Variants in ST3GAL2 observed in about 807,000 individuals in gnomAD.
The protein encoded by ST3GAL2 is ST3 beta-galactoside alpha-2,3-sialyltransferase 2.
Under a neutral mutation model 37.5 loss-of-function variants are expected in ST3GAL2, and 16 were observed. The observed-to-expected ratio is 0.43, with a 90% confidence interval of 0.29 to 0.65. ST3GAL2 has a LOEUF of 0.65. ST3GAL2 is among the 30% of genes least tolerant of loss of function. The pLI, the probability that ST3GAL2 is intolerant of heterozygous loss-of-function variation, is 0.17. For missense variants in ST3GAL2, 383 were observed against 487.8 expected, an observed-to-expected ratio of 0.79 and a Z score of 2.02; for synonymous variants, 238 against 202.9, an observed-to-expected ratio of 1.17 and a Z score of -1.47.
At chr16:70,423,906 A>G (rs183852578) in intron 1 of ST3GAL2, among the ~76,000 whole-genome samples, 291 of 151,612 alleles carry the variant, frequency 1.9e-3, no homozygotes, top group Non-Finnish European at 3.2e-3. Flanking sequence ...AAAGTACAAA[A>G]AATTAGCCGG....
chr16:70,397,612 GC>G (rs2047525729), intron 2 of ST3GAL2, among the ~76,000 whole-genome samples: 1 of 151,938 alleles, frequency 6.6e-6, no homozygotes, highest in Admixed American at 6.6e-5. Flanking sequence ...TATAATTCCA[GC>G]TACTTGGGAG....
intron 1 of ST3GAL2, among the ~76,000 whole-genome samples, chr16:70,409,105 C>T (rs2047617538): frequency 6.6e-6 from 1 of 151,698 alleles, no homozygotes; most frequent in Non-Finnish European, 1.5e-5. Flanking sequence ...CAGTATCTTG[C>T]TGTACCTATC....
intron 1 of ST3GAL2, among the ~76,000 whole-genome samples, chr16:70,427,397 G>A (rs2047758943): frequency 6.7e-6 from 1 of 149,384 alleles, no homozygotes; most frequent in Admixed American, 6.7e-5. Flanking sequence ...GGAGTGCAGT[G>A]GTGCGATCTC....
intron 1 of ST3GAL2, among the ~76,000 whole-genome samples, chr16:70,402,283 CAA>C (rs1042560583): frequency 9.8e-5 from 4 of 40,714 alleles, no homozygotes; most frequent in Admixed American, 2.6e-4. Flanking sequence ...AACTATTTCT[CAA>C]AAAAAAAAAA....
At position 70,435,277 on chromosome 16, in the gene ST3GAL2, G is replaced by C. The variant is rs527418135; in HGVS notation, c.-1004+3672C>G. On this transcript the variant is annotated intron_variant, in intron 1 of 6. Coordinates refer to ENST00000342907, the MANE Select transcript of ST3GAL2 (RefSeq NM_006927.4). ...CAGAACAGCCTGGTGGGGAAGTAAG[G>C]TGGAAGAAAGTCCCTCTTAAGACTT... 2.0e-4 allele frequency among the ~76,000 whole-genome samples: 30 copies of C among 152,268 alleles called. 1 individual carries two copies. Among genetic ancestry groups the C allele is most frequent in the South Asian group, 8.3e-4 (4 of 4,824 alleles).
intron 1 of ST3GAL2, among the ~76,000 whole-genome samples, chr16:70,416,723 A>G (rs2047679050): frequency 6.6e-6 from 1 of 152,122 alleles, no homozygotes; most frequent in African/African-American, 2.4e-5. Flanking sequence ...AGCTTTCTCT[A>G]ACTTCTCTTG....
In ST3GAL2 at chr16:70,397,110, G is replaced by A. The variant is rs1228781330; in HGVS notation, c.339+1082C>T. ...AGCTGGAGTGCAATGGTGCAATCTCGGCTCACTGCAACCTCCGCCTCCCAG... is the reference window on the plus strand; with the variant it reads ...AGCTGGAGTGCAATGGTGCAATCTCAGCTCACTGCAACCTCCGCCTCCCAG... On this transcript the variant is annotated intron_variant, in intron 2 of 6. Transcript: ENST00000342907. 2.1e-5 allele frequency among the ~76,000 whole-genome samples: 3 copies of A among 140,030 alleles called. No individual in the cohort carries two copies. The Admixed American group carries it at 2.3e-4, about 11-fold the overall frequency. 91.9% of individuals were successfully genotyped at this position (140,030 alleles called of 152,430 possible). A position where few individuals can be genotyped will look rare whatever the true frequency, so the allele number is the denominator to read the frequency against.
chr16:70,398,428 G>A lies in ST3GAL2; in HGVS notation c.103C>T (p.Pro35Ser). ...TYSHHSMATL[P>S]YLDSGALDGT... ...TCCAGGGCCCCTGAGTCCAGGTAGG[G>A]GAGCGTGGCCATGCTGTGGTGCGAG... is the stretch of plus-strand genomic sequence containing the variant. Residue 35 changes from proline to serine, a missense_variant, in exon 2 of 7, where the codon CCC (proline) becomes TCC (serine). Transcript: ENST00000342907. 1.2e-6 allele frequency: 2 copies of A among 1,613,726 alleles called. No homozygotes were observed. The highest frequency in any genetic ancestry group is 1.7e-6 in the Non-Finnish European group (2 of 1,180,014).
chr16:70,383,039 G>T, intron 5 of ST3GAL2, 115 bp from the exon 6 acceptor site: 1 of 1,583,700 alleles, frequency 6.3e-7, no homozygotes, highest in South Asian at 1.1e-5. Context: ...TGTGTCTCCT[G>T]AATCGTGTGG....
chr16:70,435,653 G>A (rs1184827996), intron 1 of ST3GAL2, among the ~76,000 whole-genome samples: 1 of 151,432 alleles, frequency 6.6e-6, no homozygotes, highest in East Asian at 1.9e-4. Flanking sequence ...AATTAGCCGG[G>A]CATGGTGGTG....
intron 3 of ST3GAL2, among the ~76,000 whole-genome samples, chr16:70,389,931 C>T (rs2047471476): frequency 2.0e-5 from 3 of 151,376 alleles, no homozygotes; most frequent in African/African-American, 4.9e-5. Context: ...GGACTACAGG[C>T]GCCCGCCATC....
chr16:70,439,073 C>A lies in ST3GAL2; in HGVS notation c.-1128G>T. 1 of 158,150 alleles carries A rather than the reference C, an allele frequency of 6.3e-6. No individual in the cohort carries two copies. The highest frequency in any genetic ancestry group is 1.4e-5 in the Non-Finnish European group (1 of 72,982). The allele number at this position is 158,150 out of a possible 1,614,324, so 9.8% of individuals were successfully genotyped here. On this transcript the variant is annotated 5_prime_UTR_variant, in exon 1 of 7. Transcript: ENST00000342907. The stretch of plus-strand genomic sequence containing the variant: ...GTCGTCCGGACCCGTTAGCTCGCAG[C>A]TCTCTCGTCCGCCCGCCGTGGGCTA...
intron 1 of ST3GAL2, among the ~76,000 whole-genome samples, chr16:70,406,904 A>G (rs1438792235): frequency 6.6e-6 from 1 of 152,162 alleles, no homozygotes; most frequent in Non-Finnish European, 1.5e-5. Flanking sequence ...ATGATCCAGG[A>G]AAAAGAAGTG....
chr16:70,380,832 C>G lies in ST3GAL2; in HGVS notation c.*857G>C, dbSNP rs1015642617. On this transcript the variant is annotated 3_prime_UTR_variant, in exon 7 of 7. Coordinates refer to ENST00000342907, the MANE Select transcript of ST3GAL2 (RefSeq NM_006927.4). ...CAGCCCCCTCCCCAGGGGCCAGAGCCGGCCGAAGACTGGGGGTAGGGACGG... is the reference window on the plus strand; with the variant it reads ...CAGCCCCCTCCCCAGGGGCCAGAGCGGGCCGAAGACTGGGGGTAGGGACGG... 1 of 153,174 alleles carries G rather than the reference C, an allele frequency of 6.5e-6. No individual in the cohort carries two copies. Among genetic ancestry groups the G allele is most frequent in the African/African-American group, 2.4e-5 (1 of 41,494 alleles). 9.5% of individuals were successfully genotyped at this position (153,174 alleles called of 1,614,324 possible). A position where few individuals can be genotyped will look rare whatever the true frequency, so the allele number is the denominator to read the frequency against.
intron 2 of ST3GAL2, among the ~76,000 whole-genome samples, chr16:70,397,791 T>C (rs1389154832): frequency 6.6e-6 from 1 of 152,112 alleles, no homozygotes; most frequent in African/African-American, 2.4e-5. Context: ...GGATATTTAG[T>C]TTTAAAATCT....
intron 2 of ST3GAL2, 67 bp downstream of exon 2, chr16:70,398,125 C>A: frequency 1.3e-6 from 2 of 1,536,016 alleles, no homozygotes; most frequent in South Asian, 1.2e-5. Flanking sequence ...GCCAGAAATC[C>A]AAGAGGGGGC....
At position 70,377,050 on chromosome 16, in the gene ST3GAL2, T is replaced by C. The variant is rs982552567; in HGVS notation, c.*4639A>G. 1.3e-5 allele frequency: 2 copies of C among 151,740 alleles called. No homozygotes were observed. Among genetic ancestry groups the C allele is most frequent in the Non-Finnish European group, 1.5e-5 (1 of 67,978 alleles). The allele number at this position is 151,740 out of a possible 1,614,324, so 9.4% of individuals were successfully genotyped here. On this transcript the variant is annotated 3_prime_UTR_variant, in exon 7 of 7. Transcript: ENST00000342907. The stretch of plus-strand genomic sequence containing the variant: ...GCCACCGTGCCTGGCCATAAAATGT[T>C]TTTAAAAAATTTTTTAGCTAGGCTC...
At chr16:70,426,515 C>CTTT (rs1306374449) in intron 1 of ST3GAL2, among the ~76,000 whole-genome samples, 1 of 132,462 alleles carries the variant, frequency 7.5e-6, no homozygotes, top group African/African-American at 2.7e-5. Context: ...AAGTGTTTTT[C>CTTT]TTTTTTTTTT....
At chr16:70,424,048 ACTT>A (rs1423186305) in intron 1 of ST3GAL2, among the ~76,000 whole-genome samples, 2 of 151,854 alleles carry the variant, frequency 1.3e-5, no homozygotes, top group East Asian at 4.0e-4. Context: ...ACAGAGTGAG[ACTT>A]CGTCTCAAAA....
Sources: gnomAD v4.1 joint callset for allele counts (sites outside exome capture counted in the v4.1 genomes callset) on GRCh38, gnomAD v4.1.1 for gene constraint, MANE v1.5 for transcripts, NCBI Gene and HGNC (gene_info 2026-07-23, HGNC 2026-07-21) for gene names.